The following GOLPH3 variants were observed in gnomAD, a reference collection of about 807,000 sequenced individuals.
GOLPH3 encodes coat protein GPP34.
In GOLPH3, 14 loss-of-function variants were observed where a neutral mutation model predicts 28.5. That is an observed-to-expected ratio of 0.49 (90% CI 0.32 to 0.77). The LOEUF is 0.77. Among genes scored for constraint, GOLPH3 ranks in the 30% least tolerant of loss-of-function variants. The pLI is 0.03. For missense variants in GOLPH3, 350 were observed against 393.7 expected, an observed-to-expected ratio of 0.89 and a Z score of 0.94; for synonymous variants, 158 against 159.2, an observed-to-expected ratio of 0.99 and a Z score of 0.06.
rs1215637499 is a variant in GOLPH3, at chr5:32,125,316, T to A, written c.*896A>T. ...ACAGTAAGATAAAATTTAAAAAAAA[T>A]CTAACAAGGGGATGCATAGGCAAAG... On this transcript the variant is annotated 3_prime_UTR_variant, in exon 4 of 4. Coordinates refer to ENST00000265070, the MANE Select transcript of GOLPH3 (RefSeq NM_022130.4). 6.6e-6 allele frequency: 1 copy of A among 152,480 alleles called. No individual in the cohort carries two copies. Among genetic ancestry groups the A allele is most frequent in the Non-Finnish European group, 1.5e-5 (1 of 68,020 alleles). The allele number at this position is 152,480 out of a possible 1,614,324, so 9.4% of individuals were successfully genotyped here.
chr5:32,141,567 C>A (rs1336850170), intron 2 of GOLPH3, among the ~76,000 whole-genome samples: 1 of 119,314 alleles, frequency 8.4e-6, no homozygotes. Context: ...CTTTTAAAAG[C>A]TGCAAATGAC....
intron 2 of GOLPH3, among the ~76,000 whole-genome samples, chr5:32,142,539 G>A (rs1472772509): frequency 7.0e-6 from 1 of 143,428 alleles, no homozygotes; most frequent in Non-Finnish European, 1.5e-5. Flanking sequence ...CTGCCCGGCC[G>A]CCCCTACTGG....
chr5:32,148,218 G>A (rs905400278), intron 1 of GOLPH3, among the ~76,000 whole-genome samples: 12 of 152,110 alleles, frequency 7.9e-5, no homozygotes, highest in Admixed American at 2.6e-4. Flanking sequence ...GGGCAGAAAC[G>A]TCCGTTTCTA....
intron 1 of GOLPH3, among the ~76,000 whole-genome samples, chr5:32,160,093 A>G (rs1581554513): frequency 6.6e-6 from 1 of 152,198 alleles, no homozygotes; most frequent in African/African-American, 2.4e-5. Context: ...AATTCTCAAA[A>G]TAGACTGAGG....
chr5:32,157,374 C>G (rs951649525), intron 1 of GOLPH3, among the ~76,000 whole-genome samples: 1 of 152,212 alleles, frequency 6.6e-6, no homozygotes, highest in Non-Finnish European at 1.5e-5. Context: ...AAGCACTGTT[C>G]TGAGTACTAA....
chr5:32,164,632 G>A (rs1337161327), intron 1 of GOLPH3, among the ~76,000 whole-genome samples: 1 of 151,814 alleles, frequency 6.6e-6, no homozygotes, highest in Non-Finnish European at 1.5e-5. Flanking sequence ...TCCTGACCTC[G>A]TGATCCACCC....
chr5:32,169,233 G>GA (rs1280936712), intron 1 of GOLPH3, among the ~76,000 whole-genome samples: 1 of 152,178 alleles, frequency 6.6e-6, no homozygotes, highest in Non-Finnish European at 1.5e-5. Context: ...AGTGAGCCAA[G>GA]ATCGCACCAC....
intron 1 of GOLPH3, among the ~76,000 whole-genome samples, chr5:32,168,675 C>T (rs915843034): frequency 1.3e-5 from 2 of 152,170 alleles, no homozygotes; most frequent in Non-Finnish European, 2.9e-5. Flanking sequence ...CTGATCCACA[C>T]GCTGACATGA....
intron 1 of GOLPH3, among the ~76,000 whole-genome samples, chr5:32,162,021 C>T (rs1219616412): frequency 6.7e-6 from 1 of 150,100 alleles, no homozygotes; most frequent in African/African-American, 2.5e-5. Context: ...AGCGAGACTC[C>T]GTCTCAAAAA....
chr5:32,173,051 C>G (rs1746878914), intron 1 of GOLPH3, among the ~76,000 whole-genome samples: 1 of 152,164 alleles, frequency 6.6e-6, no homozygotes, highest in Non-Finnish European at 1.5e-5. Context: ...ATTGCAACTT[C>G]AACCCACCTG....
chr5:32,173,272 G>A (rs1161889209), intron 1 of GOLPH3, among the ~76,000 whole-genome samples: 1 of 151,970 alleles, frequency 6.6e-6, no homozygotes, highest in Non-Finnish European at 1.5e-5. Flanking sequence ...CTCAGTAAAA[G>A]AGCTTTTCCC....
chr5:32,131,124 C>T (rs920548521), intron 3 of GOLPH3, among the ~76,000 whole-genome samples: 6 of 152,144 alleles, frequency 3.9e-5, no homozygotes, highest in Non-Finnish European at 5.9e-5. Context: ...AGGGTAAACC[C>T]CGTGTGCTCA....
chr5:32,164,702 C>T lies in GOLPH3; in HGVS notation c.225+9108G>A, dbSNP rs565257562. Among the ~76,000 whole-genome samples, 71 of 151,798 alleles carry T rather than the reference C, an allele frequency of 4.7e-4. 1 individual carries two copies. The highest frequency in any genetic ancestry group is 1.2e-3 in the African/African-American group (49 of 41,460). On this transcript the variant is annotated intron_variant, in intron 1 of 3. Coordinates refer to ENST00000265070, the MANE Select transcript of GOLPH3 (RefSeq NM_022130.4). Reference sequence around the variant, plus strand: ...GAGCTACCGCGCCCGGCCAAGAGTACGATTCTTTCACTACCACGCCCAGAA... The same window carrying T: ...GAGCTACCGCGCCCGGCCAAGAGTATGATTCTTTCACTACCACGCCCAGAA...
chr5:32,134,991 T>TCTC (rs1307542617), intron 3 of GOLPH3, among the ~76,000 whole-genome samples: 1 of 152,196 alleles, frequency 6.6e-6, no homozygotes, highest in Non-Finnish European at 1.5e-5. Context: ...CTTTTCACGT[T>TCTC]CTCCTCCCTA....
chr5:32,171,080 ATG>A (rs992970080), intron 1 of GOLPH3, among the ~76,000 whole-genome samples: 23 of 152,334 alleles, frequency 1.5e-4, no homozygotes, highest in African/African-American at 5.1e-4. Flanking sequence ...TGTTTAAATT[ATG>A]TGAGTATGGT....
chr5:32,158,111 TAAATAAATAAATAAATAAAATAC>T lies in GOLPH3; in HGVS notation c.226-14254_226-14232del, dbSNP rs1561678978. Among the ~76,000 whole-genome samples, 74 of 104,142 alleles carry T rather than the reference TAAATAAATAAATAAATAAAATAC, an allele frequency of 7.1e-4. 2 individuals are homozygous for T. Among genetic ancestry groups the T allele is most frequent in the African/African-American group, 2.5e-3 (60 of 23,886 alleles). The allele number at this position is 104,142 out of a possible 152,430, so 68.3% of individuals were successfully genotyped here. A position where few individuals can be genotyped will look rare whatever the true frequency, so the allele number is the denominator to read the frequency against. On this transcript the variant is annotated intron_variant, in intron 1 of 3. Coordinates refer to ENST00000265070, the MANE Select transcript of GOLPH3 (RefSeq NM_022130.4). ...GTCTCAAAATAAATAAATAAATAAA[TAAATAAATAAATAAATAAAATAC>T]ACACACACACACACACACACACACA...
In GOLPH3 at chr5:32,174,104, G is replaced by C; in HGVS notation, c.-70C>G. 1 of 1,090,252 alleles carries C rather than the reference G, an allele frequency of 9.2e-7. No homozygotes were observed. Among genetic ancestry groups the C allele is most frequent in the Non-Finnish European group, 1.2e-6 (1 of 859,546 alleles). 67.5% of individuals were successfully genotyped at this position (1,090,252 alleles called of 1,614,324 possible). On this transcript the variant is annotated 5_prime_UTR_variant, in exon 1 of 4. Transcript: ENST00000265070. ...CGACCGGGTCGCCCTCCTCCTCCCC[G>C]CGCGGCCTCCGATCCGGGTTTCCGT... is the stretch of plus-strand genomic sequence containing the variant.
At chr5:32,172,889 G>A (rs528446453) in intron 1 of GOLPH3, among the ~76,000 whole-genome samples, 1 of 152,170 alleles carries the variant, frequency 6.6e-6, no homozygotes, top group Non-Finnish European at 1.5e-5. Flanking sequence ...ATTTTTGTAG[G>A]CAAATATAAC....
chr5:32,143,304 C>CA (rs778454927), intron 2 of GOLPH3, among the ~76,000 whole-genome samples: 12 of 151,442 alleles, frequency 7.9e-5, no homozygotes, highest in African/African-American at 2.2e-4. Context: ...CCCAGGGACA[C>CA]AAACACTGCG....
Sources: gnomAD v4.1 joint callset for allele counts (sites outside exome capture counted in the v4.1 genomes callset) on GRCh38, gnomAD v4.1.1 for gene constraint, MANE v1.5 for transcripts, NCBI Gene and HGNC (gene_info 2026-07-23, HGNC 2026-07-21) for gene names.